The following SGCD variants were observed in gnomAD, a reference collection of about 807,000 sequenced individuals.
The protein encoded by SGCD is sarcoglycan delta.
A neutral mutation model predicts 36.6 loss-of-function variants in SGCD; 18 were observed. The ratio of observed to expected loss-of-function variants is 0.49; its 90% CI spans 0.34 to 0.73. The LOEUF is 0.73. Among genes scored for constraint, SGCD ranks in the 30% least tolerant of loss-of-function variants. SGCD has a pLI of 0.01. For missense variants in SGCD, 387 were observed against 346.7 expected (o/e 1.12, Z -0.92); for synonymous variants, 133 against 130.6 (o/e 1.02, Z -0.12).
At chr5:156,194,846 G>A (rs1469567926) in intron 3 of SGCD, among the ~76,000 whole-genome samples, 3 of 152,104 alleles carry the variant, frequency 2.0e-5, no homozygotes, top group Non-Finnish European at 4.4e-5. Context: ...AGCAAAAATA[G>A]GAATTATAAC....
At chr5:155,930,946 T>C (rs527737531) in intron 1 of SGCD, among the ~76,000 whole-genome samples, 40 of 152,196 alleles carry the variant, frequency 2.6e-4, no homozygotes, top group South Asian at 6.2e-4. Flanking sequence ...ATGTTAAGCC[T>C]CATATAATCT....
At chr5:156,055,498 A>G (rs1488416417) in intron 1 of SGCD, among the ~76,000 whole-genome samples, 1 of 146,394 alleles carries the variant, frequency 6.8e-6, no homozygotes, top group African/African-American at 2.5e-5. Flanking sequence ...TCTCTTGTAG[A>G]TGAATATGGA....
intron 1 of SGCD, among the ~76,000 whole-genome samples, chr5:155,996,007 A>AAG (rs397882523): frequency 7.0e-6 from 1 of 143,340 alleles, no homozygotes; most frequent in Admixed American, 7.0e-5. Flanking sequence ...AAAAAAAAAA[A>AAG]GAACTTACAA....
intron 1 of SGCD, among the ~76,000 whole-genome samples, chr5:156,098,344 A>G (rs1032431959): frequency 6.6e-6 from 1 of 152,158 alleles, no homozygotes; most frequent in African/African-American, 2.4e-5. Context: ...AGCAGATTAT[A>G]TATGCACCCA....
chr5:156,060,269 T>C (rs982226956), intron 1 of SGCD, among the ~76,000 whole-genome samples: 2 of 146,184 alleles, frequency 1.4e-5, no homozygotes, highest in African/African-American at 4.9e-5. Context: ...AATGCCACGC[T>C]AAGAAGTGTG....
intron 3 of SGCD, among the ~76,000 whole-genome samples, chr5:156,179,515 T>G (rs574043193): frequency 6.6e-6 from 1 of 152,160 alleles, no homozygotes; most frequent in Non-Finnish European, 1.5e-5. Context: ...TCAAATGATG[T>G]GCATATGATA....
intron 1 of SGCD, among the ~76,000 whole-genome samples, chr5:155,953,843 G>A (rs1757590940): frequency 6.6e-6 from 1 of 152,056 alleles, no homozygotes; most frequent in Non-Finnish European, 1.5e-5. Context: ...TTTTTCAGTT[G>A]TGCGTTAAAA....
chr5:156,054,320 C>G (rs1760003570), intron 1 of SGCD, among the ~76,000 whole-genome samples: 1 of 123,586 alleles, frequency 8.1e-6, no homozygotes, highest in Non-Finnish European at 1.7e-5. Flanking sequence ...GAGTCTCGCT[C>G]TGTGGCCCAG....
intron 1 of SGCD, among the ~76,000 whole-genome samples, chr5:156,061,136 A>G (rs1760195196): frequency 6.9e-6 from 1 of 145,566 alleles, no homozygotes; most frequent in South Asian, 2.2e-4. Flanking sequence ...GTTATTAATG[A>G]GTCTATAAGA....
chr5:155,985,140 A>G (rs1304272878), intron 1 of SGCD, among the ~76,000 whole-genome samples: 1 of 152,188 alleles, frequency 6.6e-6, no homozygotes, highest in Non-Finnish European at 1.5e-5. Flanking sequence ...AGCTTAAACC[A>G]ACATCCATTT....
intron 3 of SGCD, among the ~76,000 whole-genome samples, chr5:156,423,978 C>T (rs926361866): frequency 4.6e-5 from 7 of 151,828 alleles, no homozygotes; most frequent in African/African-American, 1.5e-4. Flanking sequence ...TTTTTTGGAT[C>T]CCAGGGACAG....
chr5:156,351,526 T>A (rs565370553), intron 3 of SGCD, among the ~76,000 whole-genome samples: 2 of 152,098 alleles, frequency 1.3e-5, no homozygotes, highest in East Asian at 3.9e-4. Context: ...GTTGTAAAGA[T>A]TAGAGGAGGT....
chr5:155,913,038 C>T (rs1298084091), intron 1 of SGCD, among the ~76,000 whole-genome samples: 8 of 152,110 alleles, frequency 5.3e-5, no homozygotes, highest in Admixed American at 5.2e-4. Context: ...TGTATTTCTA[C>T]AGTGGTGATA....
intron 1 of SGCD, among the ~76,000 whole-genome samples, chr5:155,932,995 G>C (rs1274656273): frequency 6.6e-6 from 1 of 152,106 alleles, no homozygotes; most frequent in Non-Finnish European, 1.5e-5. Context: ...TACCTCTTCT[G>C]CATTTTCATT....
chr5:156,167,883 CA>C (rs1763250617), intron 3 of SGCD, among the ~76,000 whole-genome samples: 1 of 152,116 alleles, frequency 6.6e-6, no homozygotes, highest in Non-Finnish European at 1.5e-5. Flanking sequence ...TATAGTAATG[CA>C]AAAAGGACTA....
At position 156,757,711 on chromosome 5, in the gene SGCD, G is replaced by C; in HGVS notation, c.699+7G>C. The C allele has an allele frequency of 6.2e-7, 1 of 1,600,026 alleles. No homozygotes were observed. The highest frequency in any genetic ancestry group is 1.1e-5 in the South Asian group (1 of 88,240). On this transcript the variant is annotated splice_region_variant and intron_variant, in intron 8 of 8. Transcript: ENST00000337851. ...GGAATCCAAAGATGGAGAGGTGAGG[G>C]ATGAGAAGGACAGAAGTTCAAAGAG...
the SGCD span, among the ~76,000 whole-genome samples, chr5:155,773,850 C>T: frequency 6.6e-6 from 1 of 152,042 alleles, no homozygotes; most frequent in East Asian, 1.9e-4. Flanking sequence ...TGTGCACAGG[C>T]CAGCCGAAGG....
At chr5:156,362,017 G>A (rs968431347) in intron 3 of SGCD, among the ~76,000 whole-genome samples, 6 of 152,154 alleles carry the variant, frequency 3.9e-5, no homozygotes, top group East Asian at 1.9e-4. Flanking sequence ...ATTTTAGGCC[G>A]AAGGAAAAGC....
the SGCD span, among the ~76,000 whole-genome samples, chr5:155,753,675 G>C: frequency 1.3e-5 from 2 of 152,174 alleles, no homozygotes; most frequent in Non-Finnish European, 2.9e-5. Flanking sequence ...AGAGAGGAAT[G>C]TCTCCCATTT....
Sources: allele counts gnomAD v4.1 joint callset (sites outside exome capture counted in the v4.1 genomes callset), GRCh38; gene constraint gnomAD v4.1.1; transcripts MANE v1.5; gene names NCBI Gene and HGNC (gene_info 2026-07-23, HGNC 2026-07-21).